C3orf18: variants seen among roughly 807,000 people sequenced by gnomAD.
C3orf18 encodes the protein uncharacterized protein C3orf18.
In C3orf18, 12 loss-of-function variants were observed where a neutral mutation model predicts 14.1. That is an observed-to-expected ratio of 0.85 (90% CI 0.55 to 1.38). The LOEUF (loss-of-function observed/expected upper bound fraction) is 1.38, where lower values mean the gene tolerates loss of function less well. Ranked by LOEUF, C3orf18 falls within the 40% of genes most tolerant of loss-of-function variation. The pLI is 0.00. For missense variants in C3orf18, 196 were observed against 213.9 expected (o/e 0.92, Z 0.52); for synonymous variants, 82 against 87.9 (o/e 0.93, Z 0.38).
upstream of C3orf18, chr3:50,571,008 TG>T: frequency 1.1e-6 from 1 of 887,756 alleles, no homozygotes; most frequent in Non-Finnish European, 1.7e-6. Flanking sequence ...TCCACCCAGC[TG>T]GGTCCAGGGG....
intron 3 of C3orf18, among the ~76,000 whole-genome samples, chr3:50,563,421 C>T (rs1414496983): frequency 6.6e-6 from 1 of 152,134 alleles, no homozygotes; most frequent in Non-Finnish European, 1.5e-5. Flanking sequence ...AGGCCAGAAC[C>T]TTTACGCAAT....
chr3:50,563,707 G>A (rs554766378), intron 3 of C3orf18, among the ~76,000 whole-genome samples: 2 of 152,224 alleles, frequency 1.3e-5, no homozygotes, highest in African/African-American at 2.4e-5. Context: ...GCCTGTCTCC[G>A]GTCCCCAGGA....
chr3:50,559,023 T>G lies in C3orf18; in HGVS notation c.*634A>C. On this transcript the variant is annotated 3_prime_UTR_variant, in exon 6 of 6. Coordinates refer to ENST00000357203, the MANE Select transcript of C3orf18 (RefSeq NM_016210.5). ...AGCTCCCATCCTAGCTTGGCCCCAG[T>G]AACATCTGGTTGCCAAGGATGGGTG... 1 of 1,289,802 alleles carries G rather than the reference T, an allele frequency of 7.8e-7. No individual in the cohort carries two copies. The highest frequency in any genetic ancestry group is 1.0e-6 in the Non-Finnish European group (1 of 988,840). 79.9% of individuals were successfully genotyped at this position (1,289,802 alleles called of 1,614,324 possible). A position where few individuals can be genotyped will look rare whatever the true frequency, so the allele number is the denominator to read the frequency against.
At chr3:50,561,161 A>G (rs1418873276) in intron 4 of C3orf18, 97 bp from the exon 5 acceptor site, 21 of 1,348,784 alleles carry the variant, frequency 1.6e-5, no homozygotes, top group Non-Finnish European at 2.2e-5. Context: ...GCCACAGCAC[A>G]CAACCATGCT....
chr3:50,563,647 C>T (rs1480159766), intron 3 of C3orf18, among the ~76,000 whole-genome samples: 3 of 152,162 alleles, frequency 2.0e-5, no homozygotes, highest in Non-Finnish European at 2.9e-5. Flanking sequence ...CACGGCCCTG[C>T]TTGAGGCTGG....
chr3:50,565,890 G>T lies in C3orf18; in HGVS notation c.-162-29C>A. The T allele has an allele frequency of 1.7e-6, 1 of 593,198 alleles. No homozygotes were observed. The allele number at this position is 593,198 out of a possible 1,614,324, so 36.7% of individuals were successfully genotyped here. On this transcript the variant is annotated intron_variant, in intron 2 of 5. Coordinates refer to ENST00000357203, the MANE Select transcript of C3orf18 (RefSeq NM_016210.5). This position sits in a 1 kb window ranked among gnomAD's most constrained non-coding sequence, Gnocchi z 4.4. Reference sequence around the variant, plus strand: ...GAAAGGAAAGAATAAGAAACATGAGGCTAAGGACAGGGGCTCAGTAGTGAG... The same window carrying T: ...GAAAGGAAAGAATAAGAAACATGAGTCTAAGGACAGGGGCTCAGTAGTGAG...
chr3:50,559,709 T>C lies in C3orf18; in HGVS notation c.437A>G (p.Gln146Arg), dbSNP rs752759012. 50 of 1,595,708 alleles carry C rather than the reference T, an allele frequency of 3.1e-5. No individual in the cohort carries two copies. The highest frequency in any genetic ancestry group is 1.7e-4 in the Middle Eastern group (1 of 6,052). Residue 146 changes from glutamine to arginine, a missense_variant, in exon 6 of 6, where the codon CAG becomes CGG. By Grantham distance (43) the Gln-to-Arg change is conservative. Coordinates refer to ENST00000357203, the MANE Select transcript of C3orf18 (RefSeq NM_016210.5). ...KTTLPSQGPL[Q>R]RPSRLVFTDV... ...GGTAAACACCAGCCGGCTGGGTCTC[T>C]GCAGTGGGCCCTGGGAGGGCAGAGT...
Position 50,565,980 on chromosome 3 carries a change from A to G in C3orf18, c.-163+26T>C, listed in dbSNP as rs1362328486. 4.2e-6 allele frequency: 2 copies of G among 476,976 alleles called. No individual in the cohort carries two copies. The highest frequency in any genetic ancestry group is 7.4e-5 in the East Asian group (2 of 27,090). 29.5% of individuals were successfully genotyped at this position (476,976 alleles called of 1,614,324 possible). ...AGGTTTGAGGGCAAGAATGAGGGTA[A>G]GTTCAGGAGACATTAGGACACATAC... On this transcript the variant is annotated intron_variant, in intron 2 of 5. Coordinates refer to ENST00000357203, the MANE Select transcript of C3orf18 (RefSeq NM_016210.5). The surrounding 1 kb of genome is among the most constrained non-coding windows in gnomAD (Gnocchi z 4.4).
Position 50,559,605 on chromosome 3 carries a change from T to C in C3orf18, c.*52A>G. ...TTGACAATCAGGGAGTGGGGAGCTC[T>C]GTAGGCACCGTGATGGGTCTCTATC... is the stretch of plus-strand genomic sequence containing the variant. On this transcript the variant is annotated 3_prime_UTR_variant, in exon 6 of 6. Coordinates refer to ENST00000357203, the MANE Select transcript of C3orf18 (RefSeq NM_016210.5). 1 of 1,496,348 alleles carries C rather than the reference T, an allele frequency of 6.7e-7. No individual in the cohort carries two copies. Among genetic ancestry groups the C allele is most frequent in the Non-Finnish European group, 9.0e-7 (1 of 1,115,586 alleles). 92.7% of individuals were successfully genotyped at this position (1,496,348 alleles called of 1,614,324 possible). A position where few individuals can be genotyped will look rare whatever the true frequency, so the allele number is the denominator to read the frequency against.
upstream of C3orf18, chr3:50,572,209 G>A (rs372413292): frequency 8.1e-6 from 13 of 1,612,782 alleles, no homozygotes; most frequent in African/African-American, 1.5e-4. Context: ...AGAAACAGAG[G>A]TAGGTGTGCC....
At chr3:50,571,927 T>A (rs1424267593), upstream of C3orf18, 1 of 1,105,124 alleles carries the variant, frequency 9.0e-7, no homozygotes, top group Admixed American at 2.1e-5. Flanking sequence ...GGTGCAGGAG[T>A]GGCAAGAGTG....
chr3:50,571,192 C>T (rs1283446741), upstream of C3orf18: 1 of 1,613,774 alleles, frequency 6.2e-7, no homozygotes, highest in Non-Finnish European at 8.5e-7. Flanking sequence ...CAGCTCATGG[C>T]AACCCCAACC....
In C3orf18 at chr3:50,559,513, C is replaced by T. The variant is rs1575823849; in HGVS notation, c.*144G>A. The T allele has an allele frequency of 1.4e-6, 2 of 1,432,394 alleles. No homozygotes were observed. The highest frequency in any genetic ancestry group is 5.2e-5 in the East Asian group (2 of 38,684). The allele number at this position is 1,432,394 out of a possible 1,614,324, so 88.7% of individuals were successfully genotyped here. A position where few individuals can be genotyped will look rare whatever the true frequency, so the allele number is the denominator to read the frequency against. ...TAGAGTCTAAAGTCAGCAGGTGGGT[C>T]TGGAGAACAGCTAGGACCTGGCTCA... On this transcript the variant is annotated 3_prime_UTR_variant, in exon 6 of 6. Coordinates refer to ENST00000357203, the MANE Select transcript of C3orf18 (RefSeq NM_016210.5).
chr3:50,571,812 A>G (rs914063070), upstream of C3orf18: 9 of 1,611,792 alleles, frequency 5.6e-6, no homozygotes, highest in Non-Finnish European at 6.8e-6. Flanking sequence ...GTGAGCACCC[A>G]TGGATCAGAC....
At chr3:50,562,479 G>C in intron 3 of C3orf18, 1 of 454,492 alleles carries the variant, frequency 2.2e-6, no homozygotes. Flanking sequence ...AAAGGGACCC[G>C]GTAAGGTAGC....
At chr3:50,572,255 T>C (rs1559454353), upstream of C3orf18, 2 of 1,572,358 alleles carry the variant, frequency 1.3e-6, no homozygotes, top group Non-Finnish European at 1.7e-6. Flanking sequence ...ATGGTGGAGT[T>C]CAGGGCACCA....
intron 3 of C3orf18, among the ~76,000 whole-genome samples, chr3:50,563,631 T>C (rs1334933505): frequency 3.3e-5 from 5 of 152,108 alleles, no homozygotes; most frequent in Non-Finnish European, 5.9e-5. Flanking sequence ...TGCTCCTCCT[T>C]GTACCCACGG....
At chr3:50,562,369 C>T (rs1034515221) in intron 3 of C3orf18, 2 of 416,148 alleles carry the variant, frequency 4.8e-6, no homozygotes, top group Admixed American at 2.6e-5. Flanking sequence ...CACTCAGCAC[C>T]TGCCTGTGGC....
At chr3:50,562,715 T>C in intron 3 of C3orf18, 2 of 357,956 alleles carry the variant, frequency 5.6e-6, no homozygotes, top group South Asian at 2.1e-5. Flanking sequence ...CGGCCCCCAG[T>C]GGACTAAGGT....
Sources: gnomAD v4.1 joint callset for allele counts (sites outside exome capture counted in the v4.1 genomes callset) on GRCh38, gnomAD v4.1.1 for gene constraint, Gnocchi (gnomAD v3.1) non-coding constraint, MANE v1.5 for transcripts, NCBI Gene and HGNC (gene_info 2026-07-23, HGNC 2026-07-21) for gene names.